The following SUSD4 variants were observed in gnomAD, a reference collection of about 807,000 sequenced individuals.
The protein encoded by SUSD4 is sushi domain-containing protein 4.
Under a neutral mutation model 50.5 loss-of-function variants are expected in SUSD4, and 41 were observed. That is an observed-to-expected ratio of 0.81 (90% CI 0.63 to 1.05). The LOEUF is 1.05. Ranked by LOEUF, SUSD4 falls within the 50% of genes least tolerant of loss-of-function variation. The pLI is 0.00. For missense variants in SUSD4, 580 were observed against 634.7 expected (o/e 0.91, Z 0.93); for synonymous variants, 257 against 257.3 (o/e 1.00, Z 0.01).
At chr1:223,340,650 C>T (rs572721841) in intron 2 of SUSD4, among the ~76,000 whole-genome samples, 3 of 152,250 alleles carry the variant, frequency 2.0e-5, no homozygotes, top group African/African-American at 7.2e-5. Context: ...GGTTTAGAGG[C>T]TCCAGGCAAA....
At chr1:223,303,576 A>C (rs888610404) in intron 2 of SUSD4, among the ~76,000 whole-genome samples, 1 of 152,204 alleles carries the variant, frequency 6.6e-6, no homozygotes, top group Non-Finnish European at 1.5e-5. Context: ...CCGCAATGCA[A>C]TGGGGCTCTT....
At chr1:223,233,624 C>T (rs1200922770) in intron 5 of SUSD4, among the ~76,000 whole-genome samples, 1 of 152,148 alleles carries the variant, frequency 6.6e-6, no homozygotes, top group Non-Finnish European at 1.5e-5. Context: ...GAACAACGGC[C>T]ACATGGTTGG....
intron 2 of SUSD4, among the ~76,000 whole-genome samples, chr1:223,329,159 A>G (rs1186707337): frequency 6.6e-6 from 1 of 152,088 alleles, no homozygotes; most frequent in African/African-American, 2.4e-5. Context: ...TCACAGCTTT[A>G]TCAACGGGCA....
chr1:223,359,167 GC>G (rs1215101312), intron 2 of SUSD4: 11 of 470,776 alleles, frequency 2.3e-5, no homozygotes, highest in Non-Finnish European at 4.0e-5. Flanking sequence ...ATGATATTTT[GC>G]TCCTGCTCTC....
intron 5 of SUSD4, among the ~76,000 whole-genome samples, chr1:223,249,917 A>G (rs1458114524): frequency 6.6e-6 from 1 of 152,232 alleles, no homozygotes; most frequent in Admixed American, 6.5e-5. Flanking sequence ...ACAGAATAGG[A>G]GAAAGTGTGA....
chr1:223,237,176 T>C (rs1272682511), intron 5 of SUSD4, among the ~76,000 whole-genome samples: 1 of 152,098 alleles, frequency 6.6e-6, no homozygotes, highest in Non-Finnish European at 1.5e-5. Flanking sequence ...AGGAATGTGA[T>C]TGATCTTTGT....
intron 3 of SUSD4, among the ~76,000 whole-genome samples, chr1:223,283,538 C>T (rs2103122916): frequency 6.6e-6 from 1 of 152,324 alleles, no homozygotes; most frequent in Non-Finnish European, 1.5e-5. Flanking sequence ...GAGATACCAT[C>T]TCACACCAGT....
At position 223,292,591 on chromosome 1, in the gene SUSD4, G is replaced by C; in HGVS notation, c.209C>G (p.Pro70Arg). 6.2e-7 allele frequency: 1 copy of C among 1,614,072 alleles called. No homozygotes were observed. The highest frequency in any genetic ancestry group is 2.2e-5 in the East Asian group (1 of 44,886). ...GCCTTCAAAGAAAACCCCTCCGCTG[G>C]GGGTCCTGAAGCCATTCTCGGGAAT... ...PGIPENGFRTPSGGVFFEGSV... is the reference protein window; with the variant it reads ...PGIPENGFRTRSGGVFFEGSV... Residue 70 changes from proline (P) to arginine (R), a missense_variant, in exon 3 of 9, where the codon CCC (proline) becomes CGC (arginine). By Grantham distance (103) the Pro-to-Arg change is moderately radical. Coordinates refer to ENST00000366878, the MANE Select transcript of SUSD4 (RefSeq NM_017982.4).
chr1:223,337,978 G>C (rs1262696866), intron 2 of SUSD4, among the ~76,000 whole-genome samples: 1 of 152,204 alleles, frequency 6.6e-6, no homozygotes, highest in Admixed American at 6.5e-5. Context: ...GACTCCTAGG[G>C]AATAATTGAG....
chr1:223,312,134 CAT>C (rs1037250606), intron 2 of SUSD4, among the ~76,000 whole-genome samples: 4 of 152,192 alleles, frequency 2.6e-5, no homozygotes, highest in East Asian at 1.9e-4. Context: ...TCTGAAAAAA[CAT>C]ATGATTCTGG....
intron 5 of SUSD4, among the ~76,000 whole-genome samples, chr1:223,259,967 C>T (rs1487503476): frequency 1.3e-5 from 2 of 152,200 alleles, no homozygotes; most frequent in African/African-American, 4.8e-5. Flanking sequence ...ATGTTCAGAA[C>T]TTTCTCTTTC....
intron 2 of SUSD4, among the ~76,000 whole-genome samples, chr1:223,353,461 C>T (rs1668478857): frequency 6.6e-6 from 1 of 152,148 alleles, no homozygotes; most frequent in Non-Finnish European, 1.5e-5. Flanking sequence ...CCTGTGAAGT[C>T]CAGAGGAACA....
Position 223,268,671 on chromosome 1 carries a change from G to A in SUSD4, c.366C>T (p.Cys122=). ...CAGCATCTTCGATTTGAGGGATACG[G>A]CAATCTGCAATTTTGTAAAAGGTAC... ...SDNSICVQED[C]RIPQIEDAEI... Residue 122 remains cysteine, a synonymous_variant, in exon 4 of 9, where the codon TGC becomes TGT. Transcript: ENST00000366878. 1.9e-6 allele frequency: 3 copies of A among 1,608,606 alleles called. No individual in the cohort carries two copies. Among genetic ancestry groups the A allele is most frequent in the South Asian group, 2.2e-5 (2 of 89,722 alleles).
chr1:223,311,568 C>T (rs755069076), intron 2 of SUSD4, among the ~76,000 whole-genome samples: 22 of 152,036 alleles, frequency 1.4e-4, no homozygotes, highest in African/African-American at 3.6e-4. Flanking sequence ...ACAGTAGTGA[C>T]GGAGGTAGAT....
intron 2 of SUSD4, 38 bp downstream of exon 2, chr1:223,363,240 C>G (rs1469373602): frequency 6.6e-7 from 1 of 1,512,886 alleles, no homozygotes; most frequent in South Asian, 1.3e-5. Flanking sequence ...CCCCTCTGGG[C>G]CATCCCCAGG....
intron 3 of SUSD4, among the ~76,000 whole-genome samples, chr1:223,280,255 A>G (rs1663608101): frequency 6.6e-6 from 1 of 152,206 alleles, no homozygotes; most frequent in African/African-American, 2.4e-5. Context: ...TTACATGTAA[A>G]TGGGCTAAAT....
At chr1:223,295,417 T>C (rs931586254) in intron 2 of SUSD4, among the ~76,000 whole-genome samples, 2 of 152,186 alleles carry the variant, frequency 1.3e-5, no homozygotes, top group Non-Finnish European at 2.9e-5. Context: ...ATAGAACCAG[T>C]GTCAGCTCTC....
At chr1:223,354,237 C>G (rs1247620795) in intron 2 of SUSD4, among the ~76,000 whole-genome samples, 2 of 151,940 alleles carry the variant, frequency 1.3e-5, no homozygotes, top group Non-Finnish European at 2.9e-5. Flanking sequence ...AGTCTCCCGC[C>G]CCCAAATAAG....
intron 2 of SUSD4, among the ~76,000 whole-genome samples, chr1:223,343,718 A>AT (rs2103307048): frequency 6.6e-6 from 1 of 152,314 alleles, no homozygotes; most frequent in East Asian, 1.9e-4. Context: ...AAATTCAACA[A>AT]TGAATATGCA....
Sources: gnomAD v4.1 joint callset for allele counts (sites outside exome capture counted in the v4.1 genomes callset) on GRCh38, gnomAD v4.1.1 for gene constraint, MANE v1.5 for transcripts, NCBI Gene and HGNC (gene_info 2026-07-23, HGNC 2026-07-21) for gene names.